Variants in RIMS1 observed in about 807,000 individuals in gnomAD.
RIMS1 encodes regulating synaptic membrane exocytosis protein 1.
Under a neutral mutation model 214.1 loss-of-function variants are expected in RIMS1, and 83 were observed. That is an observed-to-expected ratio of 0.39 (90% CI 0.32 to 0.47). The LOEUF is 0.47. RIMS1 is among the 20% of genes least tolerant of loss of function. RIMS1 has a pLI of 0.99. For synonymous variants in RIMS1, 793 were observed against 786.8 expected (o/e 1.01, Z -0.13); for missense variants, 2,050 against 2,161.8 (o/e 0.95, Z 1.03).
intron 2 of RIMS1, among the ~76,000 whole-genome samples, chr6:72,016,533 T>A (rs2151908060): frequency 6.6e-6 from 1 of 152,332 alleles, no homozygotes; most frequent in Middle Eastern, 3.4e-3. Flanking sequence ...ATACTGTTCT[T>A]TCCATCTTAT....
chr6:72,287,167 C>T (rs574208488), intron 24 of RIMS1, among the ~76,000 whole-genome samples: 1 of 152,176 alleles, frequency 6.6e-6, no homozygotes, highest in Admixed American at 6.5e-5. Context: ...TGCTTTATTT[C>T]TTTATTTGGA....
chr6:72,081,426 T>C (rs1410293283), intron 2 of RIMS1, among the ~76,000 whole-genome samples: 15 of 152,180 alleles, frequency 9.9e-5, no homozygotes, highest in Admixed American at 9.8e-4. Context: ...TTAAATGCGG[T>C]TCAAATTCAA....
chr6:71,922,050 G>A (rs955704321), intron 1 of RIMS1, among the ~76,000 whole-genome samples: 1 of 152,092 alleles, frequency 6.6e-6, no homozygotes, highest in Non-Finnish European at 1.5e-5. Flanking sequence ...CCCAGCTTCG[G>A]TCTATTTCCC....
chr6:71,983,282 G>A (rs978553186), intron 2 of RIMS1, among the ~76,000 whole-genome samples: 1 of 151,738 alleles, frequency 6.6e-6, no homozygotes, highest in African/African-American at 2.4e-5. Flanking sequence ...GGGTCAATAG[G>A]TTCTTAAGTG....
chr6:72,352,462 A>G lies in RIMS1; in HGVS notation c.4366+18627A>G, dbSNP rs538810808. Among the ~76,000 whole-genome samples the G allele has an allele frequency of 9.9e-5, 15 of 152,240 alleles. 1 individual carries two copies. Among genetic ancestry groups the G allele is most frequent in the Admixed American group, 2.0e-4 (3 of 15,282 alleles). On this transcript the variant is annotated intron_variant, in intron 29 of 33. Coordinates refer to ENST00000521978, the MANE Select transcript of RIMS1 (RefSeq NM_014989.7). Reference sequence around the variant, plus strand: ...TGTGTGGTAGAATTTATTCTTAGCCATCATACTATTATATCATCCTCAAGT... The same window carrying G: ...TGTGTGGTAGAATTTATTCTTAGCCGTCATACTATTATATCATCCTCAAGT...
chr6:72,319,601 T>C (rs2096032537), intron 28 of RIMS1, among the ~76,000 whole-genome samples: 1 of 152,144 alleles, frequency 6.6e-6, no homozygotes, highest in South Asian at 2.1e-4. Context: ...TATGGCTCAG[T>C]ACTTCTACTA....
intron 4 of RIMS1, among the ~76,000 whole-genome samples, chr6:72,112,844 G>C (rs544114802): frequency 6.6e-6 from 1 of 152,264 alleles, no homozygotes; most frequent in African/African-American, 2.4e-5. Context: ...CTGTAGAAAA[G>C]GGGGACTTTA....
intron 19 of RIMS1, chr6:72,263,456 C>T: frequency 3.1e-6 from 3 of 976,550 alleles, no homozygotes; most frequent in Non-Finnish European, 3.7e-6. Flanking sequence ...ACCCAGGTCA[C>T]AGCCAATAAG....
chr6:72,158,247 A>T lies in RIMS1; in HGVS notation c.472-21328A>T, dbSNP rs554228250. ...TCAAAATGCCTTTATTTTTAAAAAC[A>T]TGTTTTCCTGTTACAGAATTCCATT... On this transcript the variant is annotated intron_variant, in intron 4 of 33. Coordinates refer to ENST00000521978, the MANE Select transcript of RIMS1 (RefSeq NM_014989.7). Among the ~76,000 whole-genome samples the T allele has an allele frequency of 7.1e-5, 10 of 141,066 alleles. 1 individual carries two copies. In the Admixed American group the frequency reaches 7.3e-4, roughly 10 times the overall value. 92.5% of individuals were successfully genotyped at this position (141,066 alleles called of 152,430 possible).
At chr6:72,146,621 A>G (rs1181602345) in intron 4 of RIMS1, among the ~76,000 whole-genome samples, 1 of 152,216 alleles carries the variant, frequency 6.6e-6, no homozygotes, top group East Asian at 1.9e-4. Flanking sequence ...GAATTTAGTC[A>G]ATATGTTCAT....
intron 24 of RIMS1, among the ~76,000 whole-genome samples, chr6:72,287,592 CA>C (rs1203628058): frequency 6.6e-6 from 1 of 150,914 alleles, no homozygotes; most frequent in African/African-American, 2.4e-5. Context: ...TTTTGCTCTG[CA>C]AACTTTTTTT....
chr6:72,007,509 G>A (rs1808260875), intron 2 of RIMS1, among the ~76,000 whole-genome samples: 1 of 152,150 alleles, frequency 6.6e-6, no homozygotes, highest in Admixed American at 6.5e-5. Context: ...GAAGGCTTCA[G>A]ACAATCAAAC....
intron 2 of RIMS1, among the ~76,000 whole-genome samples, chr6:71,995,056 T>C (rs1049205829): frequency 5.9e-5 from 9 of 152,020 alleles, no homozygotes; most frequent in African/African-American, 2.2e-4. Flanking sequence ...ACAGAATTCT[T>C]CATAGTGTAG....
intron 2 of RIMS1, among the ~76,000 whole-genome samples, chr6:72,002,209 A>T (rs1805482234): frequency 6.6e-6 from 1 of 152,156 alleles, no homozygotes; most frequent in Non-Finnish European, 1.5e-5. Context: ...AAATGTCAAA[A>T]AATAGGAAGT....
chr6:71,992,496 TTTC>T (rs1281312042), intron 2 of RIMS1, among the ~76,000 whole-genome samples: 12 of 149,898 alleles, frequency 8.0e-5, no homozygotes, highest in African/African-American at 2.2e-4. Flanking sequence ...TTCCCTTCTT[TTTC>T]TTCTTCTCCT....
At chr6:72,309,690 C>A (rs1010660869) in intron 27 of RIMS1, among the ~76,000 whole-genome samples, 1 of 151,840 alleles carries the variant, frequency 6.6e-6, no homozygotes, top group African/African-American at 2.4e-5. Context: ...ATGGCTCTTA[C>A]TGAATAGATA....
intron 28 of RIMS1, among the ~76,000 whole-genome samples, chr6:72,330,120 A>G (rs938852480): frequency 2.0e-5 from 3 of 151,962 alleles, no homozygotes; most frequent in Middle Eastern, 6.8e-3. Flanking sequence ...GTGAGGCACA[A>G]GTTTGGAAAA....
chr6:72,029,014 T>C (rs1420032753), intron 2 of RIMS1, among the ~76,000 whole-genome samples: 1 of 152,164 alleles, frequency 6.6e-6, no homozygotes. Context: ...TTTATTGAAG[T>C]TTAAAGAGTT....
At chr6:71,898,039 G>C (rs1160804244) in intron 1 of RIMS1, among the ~76,000 whole-genome samples, 3 of 152,120 alleles carry the variant, frequency 2.0e-5, no homozygotes, top group African/African-American at 7.2e-5. Flanking sequence ...TTGGATACTA[G>C]ACATTATAAG....
Sources: gnomAD v4.1 joint callset for allele counts (sites outside exome capture counted in the v4.1 genomes callset) on GRCh38, gnomAD v4.1.1 for gene constraint, MANE v1.5 for transcripts, NCBI Gene and HGNC (gene_info 2026-07-23, HGNC 2026-07-21) for gene names.